Variants in ADGRG7 observed in about 807,000 individuals in gnomAD.
The protein encoded by ADGRG7 is adhesion G protein-coupled receptor G7.
A neutral mutation model predicts 88.6 loss-of-function variants in ADGRG7; 82 were observed. The observed-to-expected ratio is 0.93, with a 90% CI of 0.77 to 1.11. ADGRG7 has a LOEUF of 1.11. Among genes scored for constraint, ADGRG7 ranks in the 50% most tolerant of loss-of-function variants. ADGRG7 has a pLI of 0.00. For missense variants in ADGRG7, 945 were observed against 953.4 expected, an observed-to-expected ratio of 0.99 and a Z score of 0.12; for synonymous variants, 381 against 345.2, an observed-to-expected ratio of 1.10 and a Z score of -1.15.
chr3:100,615,406 G>A (rs527627695), intron 1 of ADGRG7, among the ~76,000 whole-genome samples: 1 of 152,312 alleles, frequency 6.6e-6, no homozygotes, highest in South Asian at 2.1e-4. Context: ...GTCTTGAAGT[G>A]TGTAGTACAA....
chr3:100,669,533 C>CAAA (rs59788369), intron 15 of ADGRG7, among the ~76,000 whole-genome samples: 2 of 66,574 alleles, frequency 3.0e-5, no homozygotes, highest in East Asian at 4.3e-4. Flanking sequence ...GACTCCATCT[C>CAAA]AAAAAAAAAA....
intron 1 of ADGRG7, among the ~76,000 whole-genome samples, chr3:100,615,872 G>C (rs542976528): frequency 1.3e-5 from 2 of 152,086 alleles, no homozygotes; most frequent in Non-Finnish European, 2.9e-5. Context: ...TGAAGCAAGG[G>C]AGCTGGACCT....
At chr3:100,622,007 C>T (rs1707317325) in intron 1 of ADGRG7, among the ~76,000 whole-genome samples, 1 of 152,172 alleles carries the variant, frequency 6.6e-6, no homozygotes. Flanking sequence ...ACATCTCTTG[C>T]ATGCATAGTT....
At chr3:100,688,921 CTGGATAGCCT>C (rs1189007876) in intron 15 of ADGRG7, among the ~76,000 whole-genome samples, 33 of 152,282 alleles carry the variant, frequency 2.2e-4, no homozygotes, top group Non-Finnish European at 2.2e-4. Context: ...CGTTCAATTC[CTGGATAGCCT>C]TGTTAACTTT....
In ADGRG7 at chr3:100,667,349, C is replaced by T. The variant is rs188787204; in HGVS notation, c.1980-1600C>T. Among the ~76,000 whole-genome samples the T allele has an allele frequency of 2.3e-3, 349 of 152,204 alleles. 1 individual carries two copies. The highest frequency in any genetic ancestry group is 8.2e-3 in the African/African-American group (342 of 41,518). On this transcript the variant is annotated intron_variant, in intron 14 of 15. Transcript: ENST00000273352. ...CCCCTAGCCCCCACCACTGACAGGC[C>T]CCAGTGTGTGATGTTCCCTCCCTGT...
intron 3 of ADGRG7, among the ~76,000 whole-genome samples, chr3:100,631,418 T>C (rs1020958609): frequency 6.6e-6 from 1 of 152,192 alleles, no homozygotes; most frequent in African/African-American, 2.4e-5. Context: ...CAGTGCCACA[T>C]TGGGTAATGT....
At chr3:100,666,025 G>A (rs1371459305) in intron 14 of ADGRG7, among the ~76,000 whole-genome samples, 1 of 151,876 alleles carries the variant, frequency 6.6e-6, no homozygotes, top group African/African-American at 2.4e-5. Flanking sequence ...GACGGGCTTG[G>A]ATGCTTATTA....
chr3:100,611,256 C>T (rs986982266), intron 1 of ADGRG7, among the ~76,000 whole-genome samples: 2 of 109,002 alleles, frequency 1.8e-5, no homozygotes, highest in Admixed American at 1.1e-4. Flanking sequence ...TCCTTCCTTC[C>T]TTCCTTCCTT....
chr3:100,649,357 G>A (rs1201387960), intron 10 of ADGRG7, among the ~76,000 whole-genome samples: 1 of 152,186 alleles, frequency 6.6e-6, no homozygotes, highest in African/African-American at 2.4e-5. Flanking sequence ...CACATCAGCA[G>A]GTTGCACAGG....
At chr3:100,692,297 A>G (rs2094995205) in intron 15 of ADGRG7, among the ~76,000 whole-genome samples, 1 of 152,228 alleles carries the variant, frequency 6.6e-6, no homozygotes, top group African/African-American at 2.4e-5. Flanking sequence ...CTAAATTTAC[A>G]GGGATATAAC....
intron 1 of ADGRG7, among the ~76,000 whole-genome samples, chr3:100,622,243 TGTAA>T (rs1232341202): frequency 6.8e-6 from 1 of 145,986 alleles, no homozygotes; most frequent in Non-Finnish European, 1.5e-5. Context: ...TTGTGAAAGA[TGTAA>T]GTCTCTCTCT....
intron 9 of ADGRG7, 150 bp from the exon 10 acceptor site, chr3:100,646,419 C>CT: frequency 1.5e-6 from 1 of 676,684 alleles, no homozygotes; most frequent in South Asian, 2.4e-5. Context: ...ATTTTATCTC[C>CT]TTTTTTCCCT....
At chr3:100,618,812 T>C (rs1037097860) in intron 1 of ADGRG7, among the ~76,000 whole-genome samples, 2 of 152,190 alleles carry the variant, frequency 1.3e-5, no homozygotes, top group Admixed American at 1.3e-4. Context: ...TTGGGCAGTA[T>C]GGCCATTTTC....
At chr3:100,670,796 G>A (rs1057435580) in intron 15 of ADGRG7, among the ~76,000 whole-genome samples, 3 of 152,092 alleles carry the variant, frequency 2.0e-5, no homozygotes, top group Non-Finnish European at 4.4e-5. Context: ...CCACTTACGA[G>A]TGAGAACATG....
At chr3:100,661,219 T>C (rs1018227806) in intron 14 of ADGRG7, among the ~76,000 whole-genome samples, 2 of 152,170 alleles carry the variant, frequency 1.3e-5, no homozygotes, top group Admixed American at 6.5e-5. Context: ...CTCCATAGCA[T>C]AAATTGATTG....
chr3:100,620,390 G>T (rs1296798845), intron 1 of ADGRG7, among the ~76,000 whole-genome samples: 2 of 152,132 alleles, frequency 1.3e-5, no homozygotes, highest in Admixed American at 6.6e-5. Context: ...AATAAATTAG[G>T]TATCGATGGG....
intron 15 of ADGRG7, among the ~76,000 whole-genome samples, chr3:100,691,627 C>A (rs995765814): frequency 6.6e-6 from 1 of 151,566 alleles, no homozygotes; most frequent in African/African-American, 2.4e-5. Flanking sequence ...CAACTGTTCC[C>A]ATGATCATAT....
intron 14 of ADGRG7, among the ~76,000 whole-genome samples, chr3:100,662,325 A>G (rs2094946580): frequency 6.6e-6 from 1 of 152,174 alleles, no homozygotes; most frequent in South Asian, 2.1e-4. Flanking sequence ...CACACAGATT[A>G]TTTAGTAATG....
intron 14 of ADGRG7, among the ~76,000 whole-genome samples, chr3:100,662,101 T>C (rs1433248241): frequency 6.6e-6 from 1 of 152,204 alleles, no homozygotes; most frequent in Non-Finnish European, 1.5e-5. Flanking sequence ...ATGACATTGC[T>C]CAGGTTTTAA....
Sources: gnomAD v4.1 joint callset for allele counts (sites outside exome capture counted in the v4.1 genomes callset) on GRCh38, gnomAD v4.1.1 for gene constraint, MANE v1.5 for transcripts, NCBI Gene and HGNC (gene_info 2026-07-23, HGNC 2026-07-21) for gene names.